The following CCSER1 variants were observed in gnomAD, a reference collection of about 807,000 sequenced individuals.
CCSER1 encodes serine-rich coiled-coil domain-containing protein 1.
CCSER1 carries 41 observed loss-of-function variants against 82.0 expected under a neutral mutation model. That is an observed-to-expected ratio of 0.50 (90% CI 0.39 to 0.65). CCSER1 has a LOEUF of 0.65. Among genes scored for constraint, CCSER1 ranks in the 30% least tolerant of loss-of-function variants. The pLI, the probability that CCSER1 is intolerant of heterozygous loss-of-function variation, is 0.00. For synonymous variants in CCSER1, 414 were observed against 383.9 expected, an observed-to-expected ratio of 1.08 and a Z score of -0.92; for missense variants, 1,119 against 1,064.2, an observed-to-expected ratio of 1.05 and a Z score of -0.72.
chr4:91,453,420 G>A (rs1578496249), intron 10 of CCSER1, among the ~76,000 whole-genome samples: 1 of 152,006 alleles, frequency 6.6e-6, no homozygotes, highest in Non-Finnish European at 1.5e-5. Context: ...TCTCAAGACT[G>A]CTTCCTGTGA....
chr4:90,458,500 G>T (rs141394000), intron 4 of CCSER1, among the ~76,000 whole-genome samples: 1 of 152,014 alleles, frequency 6.6e-6, no homozygotes, highest in Non-Finnish European at 1.5e-5. Context: ...CTACAGACAT[G>T]TGCCACCATG....
At chr4:91,130,714 A>T (rs577961827) in intron 10 of CCSER1, among the ~76,000 whole-genome samples, 8 of 151,848 alleles carry the variant, frequency 5.3e-5, no homozygotes, top group East Asian at 3.9e-4. Context: ...GATTTTTTTT[A>T]AAAAAGTGTT....
intron 10 of CCSER1, among the ~76,000 whole-genome samples, chr4:91,543,743 T>G (rs1560751377): frequency 6.6e-6 from 1 of 152,204 alleles, no homozygotes; most frequent in Non-Finnish European, 1.5e-5. Flanking sequence ...ATTTTTTCCT[T>G]CATTTCAACT....
intron 10 of CCSER1, among the ~76,000 whole-genome samples, chr4:91,275,359 T>TA (rs1742350996): frequency 6.6e-6 from 1 of 152,178 alleles, no homozygotes; most frequent in South Asian, 2.1e-4. Flanking sequence ...TAATAATAGC[T>TA]ACTCTAACTG....
chr4:91,149,836 A>C (rs1352446822), intron 10 of CCSER1, among the ~76,000 whole-genome samples: 1 of 152,078 alleles, frequency 6.6e-6, no homozygotes, highest in Non-Finnish European at 1.5e-5. Flanking sequence ...CCATTGGTCT[A>C]TATCTCTGTT....
chr4:91,134,053 C>T (rs1457058206), intron 10 of CCSER1, among the ~76,000 whole-genome samples: 3 of 152,184 alleles, frequency 2.0e-5, no homozygotes, highest in African/African-American at 2.4e-5. Context: ...GAGCCGAGAT[C>T]GTGCCACTGC....
intron 9 of CCSER1, among the ~76,000 whole-genome samples, chr4:90,944,066 G>A (rs1379015844): frequency 6.6e-6 from 1 of 151,310 alleles, no homozygotes; most frequent in East Asian, 2.0e-4. Flanking sequence ...AAACCCCGTC[G>A]CTACTAAAAT....
chr4:91,246,494 T>G (rs1739787051), intron 10 of CCSER1, among the ~76,000 whole-genome samples: 1 of 151,956 alleles, frequency 6.6e-6, no homozygotes, highest in South Asian at 2.1e-4. Context: ...TCAAAAAAAC[T>G]AAAAAGTGAG....
At chr4:90,528,638 G>T (rs1774086963) in intron 5 of CCSER1, among the ~76,000 whole-genome samples, 1 of 152,106 alleles carries the variant, frequency 6.6e-6, no homozygotes, top group Non-Finnish European at 1.5e-5. Context: ...TTTACCTAAA[G>T]AAATGCTGTT....
At chr4:91,135,661 C>T (rs942714992) in intron 10 of CCSER1, among the ~76,000 whole-genome samples, 2 of 151,862 alleles carry the variant, frequency 1.3e-5, no homozygotes, top group East Asian at 1.9e-4. Context: ...CACATGCACA[C>T]ACATGAAGAC....
At chr4:90,839,748 A>C (rs1050448690) in intron 8 of CCSER1, among the ~76,000 whole-genome samples, 9 of 152,234 alleles carry the variant, frequency 5.9e-5, no homozygotes, top group African/African-American at 1.9e-4. Context: ...GTAAAGGTGC[A>C]GAAGATAGAA....
intron 4 of CCSER1, among the ~76,000 whole-genome samples, chr4:90,422,135 C>T (rs1756787939): frequency 6.6e-6 from 1 of 152,068 alleles, no homozygotes; most frequent in East Asian, 1.9e-4. Context: ...TGACCTTTTT[C>T]TTTGTTGGAG....
chr4:90,344,745 G>A (rs1474196830), intron 3 of CCSER1, among the ~76,000 whole-genome samples: 5 of 151,986 alleles, frequency 3.3e-5, no homozygotes, highest in Non-Finnish European at 7.4e-5. Flanking sequence ...CTCATGCCAG[G>A]TATAGTAACT....
At chr4:90,647,361 G>A (rs934251881) in intron 6 of CCSER1, among the ~76,000 whole-genome samples, 34 of 152,080 alleles carry the variant, frequency 2.2e-4, no homozygotes, top group Admixed American at 7.2e-4. Flanking sequence ...TGTTTCTCAG[G>A]TAGACACATA....
In CCSER1 at chr4:91,486,463, A is replaced by C. The variant is rs543375685; in HGVS notation, c.2218-112109A>C. Among the ~76,000 whole-genome samples the C allele has an allele frequency of 3.9e-5, 6 of 152,174 alleles. No homozygotes were observed. In the South Asian group the frequency reaches 1.2e-3, roughly 32 times the overall value. On this transcript the variant is annotated intron_variant, in intron 10 of 10. Coordinates refer to ENST00000509176, the MANE Select transcript of CCSER1 (RefSeq NM_001145065.2). ...TATTTCAGATACTAATTACTACCAA[A>C]ATTTATTTAGTCATTTTTAACTGCT... is the stretch of plus-strand genomic sequence containing the variant.
chr4:90,326,028 C>T (rs937464358), intron 3 of CCSER1, among the ~76,000 whole-genome samples: 3 of 148,722 alleles, frequency 2.0e-5, no homozygotes, highest in African/African-American at 7.4e-5. Context: ...TCTGCATATG[C>T]AATTTCACAA....
rs923424761 is a variant in CCSER1, at chr4:90,616,738, C to A, written c.1725-11287C>A. ...ACACACACACACACACACACACACA[C>A]AAATAAAATAAAATAAAAGGGAGAG... On this transcript the variant is annotated intron_variant, in intron 5 of 10. Coordinates refer to ENST00000509176, the MANE Select transcript of CCSER1 (RefSeq NM_001145065.2). Among the ~76,000 whole-genome samples the A allele has an allele frequency of 9.7e-4, 56 of 57,768 alleles. 1 individual carries two copies. The highest frequency in any genetic ancestry group is 4.7e-3 in the African/African-American group (55 of 11,748). 37.9% of individuals were successfully genotyped at this position (57,768 alleles called of 152,430 possible).
At chr4:90,565,454 GCA>G (rs1779251905) in intron 5 of CCSER1, among the ~76,000 whole-genome samples, 1 of 152,056 alleles carries the variant, frequency 6.6e-6, no homozygotes. Flanking sequence ...TATGTTTTCT[GCA>G]CACAGAGAGA....
intron 10 of CCSER1, among the ~76,000 whole-genome samples, chr4:91,475,078 TAG>T (rs1313206920): frequency 6.6e-6 from 1 of 151,764 alleles, no homozygotes; most frequent in Non-Finnish European, 1.5e-5. Context: ...CTATGAATCA[TAG>T]AGTCTCTACT....
Sources: allele counts gnomAD v4.1 joint callset (sites outside exome capture counted in the v4.1 genomes callset), GRCh38; gene constraint gnomAD v4.1.1; transcripts MANE v1.5; gene names NCBI Gene and HGNC (gene_info 2026-07-23, HGNC 2026-07-21).